Variants in PALM observed in about 807,000 individuals in gnomAD.
The protein encoded by PALM is paralemmin-1.
PALM carries 18 observed loss-of-function variants against 30.7 expected under a neutral mutation model. That is an observed-to-expected ratio of 0.59 (90% confidence interval 0.41 to 0.87). PALM has a LOEUF of 0.87. Ranked by LOEUF, PALM falls within the 40% of genes least tolerant of loss-of-function variation. PALM has a pLI of 0.00. For missense variants in PALM, 529 were observed against 555.4 expected (o/e 0.95, Z 0.48); for synonymous variants, 286 against 242.8 (o/e 1.18, Z -1.66).
At position 723,782 on chromosome 19, in the gene PALM, G is replaced by T. The variant is rs548088233; in HGVS notation, c.6-2356G>T. ...ATTTTTGTATTTTTTGGTAGAGACG[G>T]GGTTTTACCGTCTCTGTTGGCCAGG... On this transcript the variant is annotated intron_variant, in intron 1 of 8. Coordinates refer to ENST00000338448, the MANE Select transcript of PALM (RefSeq NM_002579.3). 2.6e-5 allele frequency among the ~76,000 whole-genome samples: 4 copies of T among 152,208 alleles called. No individual in the cohort carries two copies. In the East Asian group the frequency reaches 7.7e-4, roughly 29 times the overall value.
chr19:712,909 C>T (rs990602823), intron 1 of PALM, among the ~76,000 whole-genome samples: 8 of 152,206 alleles, frequency 5.3e-5, no homozygotes, highest in African/African-American at 1.7e-4. Flanking sequence ...CTCCTGACCT[C>T]AGGTGATCCG....
rs557492833 is a variant in PALM, at chr19:714,444, T to C, written c.5+5293T>C. 2.4e-4 allele frequency among the ~76,000 whole-genome samples: 35 copies of C among 144,572 alleles called. 1 individual carries two copies. Among genetic ancestry groups the C allele is most frequent in the African/African-American group, 8.4e-4 (33 of 39,378 alleles). 94.8% of individuals were successfully genotyped at this position (144,572 alleles called of 152,430 possible). A position where few individuals can be genotyped will look rare whatever the true frequency, so the allele number is the denominator to read the frequency against. Reference sequence around the variant, plus strand: ...CGAGATCTCGGCTCACTGCAAGCTCTGCCTCCCAGGTTCATGCCATTCTCC... The same window carrying C: ...CGAGATCTCGGCTCACTGCAAGCTCCGCCTCCCAGGTTCATGCCATTCTCC... On this transcript the variant is annotated intron_variant, in intron 1 of 8. Transcript: ENST00000338448.
At position 742,008 on chromosome 19, in the gene PALM, G is replaced by A. The variant is rs1191098578; in HGVS notation, c.634+1525G>A. 2.0e-5 allele frequency among the ~76,000 whole-genome samples: 3 copies of A among 151,948 alleles called. No individual in the cohort carries two copies. The highest frequency in any genetic ancestry group is 4.8e-5 in the African/African-American group (2 of 41,370). Reference sequence around the variant, plus strand: ...ACCACAGGCATGAGTCACTGCACCCGGCCTCTTTTTCTTTTATGAGATATA... The same window carrying A: ...ACCACAGGCATGAGTCACTGCACCCAGCCTCTTTTTCTTTTATGAGATATA... On this transcript the variant is annotated intron_variant, in intron 8 of 8. Transcript: ENST00000338448. The surrounding 1 kb of genome is among the most constrained non-coding windows in gnomAD (Gnocchi z 5.5).
chr19:734,320 GA>G, intron 6 of PALM, 126 bp downstream of exon 6: 1 of 865,240 alleles, frequency 1.2e-6, no homozygotes, highest in Non-Finnish European at 1.8e-6. Flanking sequence ...AGCACTTTGG[GA>G]GGCCGAGGCG....
chr19:733,033 T>A (rs558177813), intron 5 of PALM, among the ~76,000 whole-genome samples: 24 of 152,100 alleles, frequency 1.6e-4, no homozygotes, highest in African/African-American at 5.5e-4. Flanking sequence ...TTCAAGTGAT[T>A]CTCCTGCCTT....
chr19:719,610 T>G (rs1251229034), intron 1 of PALM: 1 of 986,466 alleles, frequency 1.0e-6, no homozygotes. Flanking sequence ...GCCGCCGCCC[T>G]GAGCTTTTCC....
In PALM at chr19:742,671, T is replaced by G. The variant is rs562181953; in HGVS notation, c.634+2188T>G. Among the ~76,000 whole-genome samples, 2 of 152,106 alleles carry G rather than the reference T, an allele frequency of 1.3e-5. No homozygotes were observed. The highest frequency in any genetic ancestry group is 6.5e-5 in the Admixed American group (1 of 15,292). On this transcript the variant is annotated intron_variant, in intron 8 of 8. Transcript: ENST00000338448. This position sits in a 1 kb window ranked among gnomAD's most constrained non-coding sequence, Gnocchi z 5.5. The stretch of plus-strand genomic sequence containing the variant: ...CACACTGCACGTGGCCTTCTGTGTC[T>G]GGCGTCTCTCACTGGGCGTGACGTC...
intron 1 of PALM, among the ~76,000 whole-genome samples, chr19:712,874 C>T (rs944014547): frequency 1.3e-5 from 2 of 152,168 alleles, no homozygotes; most frequent in African/African-American, 4.8e-5. Flanking sequence ...CAAGGTTTCG[C>T]CATGTTGGGC....
At chr19:721,877 C>A (rs1187056387) in intron 1 of PALM, among the ~76,000 whole-genome samples, 5 of 151,984 alleles carry the variant, frequency 3.3e-5, no homozygotes. Context: ...GGATTCCAGG[C>A]GTGAGCCACT....
chr19:738,804 G>C (rs1251595976), intron 7 of PALM, among the ~76,000 whole-genome samples: 2 of 152,210 alleles, frequency 1.3e-5, no homozygotes, highest in Non-Finnish European at 2.9e-5. Context: ...AGGTGGCTAT[G>C]GGGGCCGAGG....
chr19:709,375 C>T lies in PALM; in HGVS notation c.5+224C>T, dbSNP rs2031993524. Among the ~76,000 whole-genome samples the T allele has an allele frequency of 6.6e-6, 1 of 151,604 alleles. No individual in the cohort carries two copies. Among genetic ancestry groups the T allele is most frequent in the African/African-American group, 2.4e-5 (1 of 41,348 alleles). On this transcript the variant is annotated intron_variant, in intron 1 of 8. Transcript: ENST00000338448. The surrounding 1 kb of genome is among the most constrained non-coding windows in gnomAD (Gnocchi z 4.3). ...TCCCGGACCCCGGCTGCCCACCCAC[C>T]GGCGCGTGGGGACCCGGGCAGCGGC...
intron 1 of PALM, among the ~76,000 whole-genome samples, chr19:725,836 C>T (rs948980103): frequency 6.6e-6 from 1 of 152,116 alleles, no homozygotes; most frequent in African/African-American, 2.4e-5. Flanking sequence ...CCCGAAACAC[C>T]CTTCTCTGGC....
chr19:722,337 C>T (rs1341101665), intron 1 of PALM, among the ~76,000 whole-genome samples: 1 of 152,232 alleles, frequency 6.6e-6, no homozygotes, highest in African/African-American at 2.4e-5. Context: ...ACCTCAGCCT[C>T]CCAAGTAGCT....
intron 2 of PALM, 39 bp downstream of exon 2, chr19:726,228 G>C: frequency 1.9e-6 from 3 of 1,572,870 alleles, no homozygotes; most frequent in Non-Finnish European, 2.6e-6. Context: ...TGGTCAGGGT[G>C]GGGAAGTGGG....
rs550759778 is a variant in PALM, at chr19:732,042, T to C, written c.420+797T>C. On this transcript the variant is annotated intron_variant, in intron 5 of 8. Coordinates refer to ENST00000338448, the MANE Select transcript of PALM (RefSeq NM_002579.3). The stretch of plus-strand genomic sequence containing the variant: ...GGCCAGCCAGAGTGCAGTGGCACAA[T>C]CACAGCTCACTGCAGCCTCGACTTC... Among the ~76,000 whole-genome samples, 199 of 151,022 alleles carry C rather than the reference T, an allele frequency of 1.3e-3. 1 individual carries two copies. The highest frequency in any genetic ancestry group is 4.3e-3 in the African/African-American group (176 of 41,052).
In PALM at chr19:747,081, AC is replaced by A; in HGVS notation, c.*273del. 2.4e-6 allele frequency: 1 copy of A among 413,802 alleles called. No homozygotes were observed. The allele number at this position is 413,802 out of a possible 1,614,324, so 25.6% of individuals were successfully genotyped here. The stretch of plus-strand genomic sequence containing the variant: ...CAGACCCGCTTTTCCCGAGACAAGG[AC>A]CCCCCATGTCACGGCAGCTTCACAG... On this transcript the variant is annotated 3_prime_UTR_variant, in exon 9 of 9. Coordinates refer to ENST00000338448, the MANE Select transcript of PALM (RefSeq NM_002579.3).
intron 1 of PALM, among the ~76,000 whole-genome samples, chr19:725,317 G>A (rs937510179): frequency 6.6e-6 from 1 of 150,800 alleles, no homozygotes; most frequent in Non-Finnish European, 1.5e-5. Context: ...CCAGCACTTT[G>A]GGAGGCCAAG....
chr19:728,433 C>A (rs561884339), intron 4 of PALM, among the ~76,000 whole-genome samples: 1 of 152,228 alleles, frequency 6.6e-6, no homozygotes, highest in African/African-American at 2.4e-5. Flanking sequence ...GGGCCCCTCC[C>A]TGCCCAGTTC....
intron 1 of PALM, among the ~76,000 whole-genome samples, chr19:721,243 G>T (rs1003199536): frequency 6.6e-6 from 1 of 152,134 alleles, no homozygotes; most frequent in Non-Finnish European, 1.5e-5. Flanking sequence ...GCTGGAGAGG[G>T]ACAGGGTCTG....
Sources: allele counts gnomAD v4.1 joint callset (sites outside exome capture counted in the v4.1 genomes callset), GRCh38; gene constraint gnomAD v4.1.1; non-coding constraint Gnocchi (gnomAD v3.1); transcripts MANE v1.5; gene names NCBI Gene and HGNC (gene_info 2026-07-23, HGNC 2026-07-21).